TSHZ2: variants seen among roughly 807,000 people sequenced by gnomAD.
The protein encoded by TSHZ2 is teashirt homolog 2.
TSHZ2 carries 21 observed loss-of-function variants against 74.4 expected under a neutral mutation model. That is an observed-to-expected ratio of 0.28 (90% CI 0.20 to 0.41). TSHZ2 has a LOEUF of 0.41. Among genes scored for constraint, TSHZ2 ranks in the 10% least tolerant of loss-of-function variants. The pLI, the probability that TSHZ2 is intolerant of heterozygous loss-of-function variation, is 1.00. For synonymous variants in TSHZ2, 540 were observed against 515.3 expected, an observed-to-expected ratio of 1.05 and a Z score of -0.65; for missense variants, 1,244 against 1,293.5, an observed-to-expected ratio of 0.96 and a Z score of 0.59.
At chr20:53,269,599 G>A (rs1990790452) in intron 2 of TSHZ2, among the ~76,000 whole-genome samples, 1 of 152,194 alleles carries the variant, frequency 6.6e-6, no homozygotes, top group Non-Finnish European at 1.5e-5. Context: ...GGAGGAGGAG[G>A]AGGAGGATCT....
intron 1 of TSHZ2, among the ~76,000 whole-genome samples, chr20:53,120,087 A>T (rs1199718859): frequency 1.3e-5 from 2 of 152,320 alleles, no homozygotes; most frequent in East Asian, 3.9e-4. Context: ...CATCTAGATA[A>T]TTGGAGTTTG....
At chr20:53,294,315 A>C (rs1600794865) in intron 2 of TSHZ2, among the ~76,000 whole-genome samples, 1 of 152,210 alleles carries the variant, frequency 6.6e-6, no homozygotes, top group African/African-American at 2.4e-5. Context: ...TTGATTTACT[A>C]GTTGAGATTC....
intron 1 of TSHZ2, among the ~76,000 whole-genome samples, chr20:53,221,062 G>T (rs183053119): frequency 6.6e-6 from 1 of 152,280 alleles, no homozygotes; most frequent in East Asian, 1.9e-4. Context: ...TCATAGGGGT[G>T]GTTTCCCCCA....
At chr20:53,068,978 A>G (rs62206542) in intron 1 of TSHZ2, among the ~76,000 whole-genome samples, 10,952 of 152,174 alleles carry the variant, frequency 0.072, 432 homozygotes, top group Non-Finnish European at 0.082. Flanking sequence ...AAGGTAGAAT[A>G]GAAGAGAAAG....
intron 2 of TSHZ2, among the ~76,000 whole-genome samples, chr20:53,259,504 CAGAG>C (rs1262044358): frequency 6.6e-6 from 1 of 152,138 alleles, no homozygotes; most frequent in Non-Finnish European, 1.5e-5. Flanking sequence ...AGAAATTAAA[CAGAG>C]AGCAAATCAA....
At chr20:53,207,326 CA>C (rs1989192658) in intron 1 of TSHZ2, among the ~76,000 whole-genome samples, 1 of 151,900 alleles carries the variant, frequency 6.6e-6, no homozygotes, top group South Asian at 2.1e-4. Context: ...TTGTTTTTTT[CA>C]GGGGTGGGGG....
In TSHZ2 at chr20:53,253,785, C is replaced by T. The variant is rs1369000132; in HGVS notation, c.327C>T (p.His109=). The change falls in exon 2 of 3, where the codon CAC becomes CAT. Residue 109 remains histidine (H), a synonymous_variant. Transcript: ENST00000371497. The part of the protein sequence containing the change: ...CGRDASDKKA[H]THVRLPNEAH... ...GAGATGCCTCAGACAAGAAAGCACA[C>T]ACTCACGTCAGGCTTCCAAACGAAG... The T allele has an allele frequency of 1.9e-6, 3 of 1,614,226 alleles. No homozygotes were observed. Among genetic ancestry groups the T allele is most frequent in the Non-Finnish European group, 2.5e-6 (3 of 1,180,034 alleles).
intron 1 of TSHZ2, among the ~76,000 whole-genome samples, chr20:53,022,870 G>A (rs1007825068): frequency 2.0e-5 from 3 of 152,228 alleles, no homozygotes; most frequent in East Asian, 1.9e-4. Flanking sequence ...CTCTGACTAC[G>A]TCTTTGATAT....
intron 1 of TSHZ2, among the ~76,000 whole-genome samples, chr20:53,175,288 C>T (rs1013896446): frequency 2.6e-5 from 4 of 151,790 alleles, no homozygotes; most frequent in Admixed American, 2.6e-4. Context: ...TTACAGTCGC[C>T]CACCACCACG....
intron 2 of TSHZ2, among the ~76,000 whole-genome samples, chr20:53,325,388 G>A (rs1255537938): frequency 6.6e-6 from 1 of 152,224 alleles, no homozygotes; most frequent in Non-Finnish European, 1.5e-5. Context: ...TGGAGAGGCA[G>A]TGATGGGTTG....
intron 1 of TSHZ2, among the ~76,000 whole-genome samples, chr20:53,156,340 G>A (rs1321445709): frequency 6.6e-6 from 1 of 152,182 alleles, no homozygotes. Flanking sequence ...GTGTCTGCCT[G>A]GAAGGATGGC....
At chr20:53,487,065 G>A (rs1400081826) in intron 2 of TSHZ2, 79 bp from the exon 3 acceptor site, 1 of 152,640 alleles carries the variant, frequency 6.6e-6, no homozygotes, top group Non-Finnish European at 1.5e-5. Context: ...TGGGCAAGGT[G>A]ATCACCCTGG....
chr20:53,160,941 T>C (rs1366751727), intron 1 of TSHZ2, among the ~76,000 whole-genome samples: 2 of 151,764 alleles, frequency 1.3e-5, no homozygotes, highest in African/African-American at 4.9e-5. Context: ...TTTCCACTAA[T>C]CTATTAATAA....
intron 1 of TSHZ2, among the ~76,000 whole-genome samples, chr20:53,114,437 A>G (rs1426017872): frequency 6.7e-6 from 1 of 149,208 alleles, no homozygotes; most frequent in Non-Finnish European, 1.5e-5. Context: ...TACCCACCTC[A>G]CGATATGTCA....
intron 2 of TSHZ2, among the ~76,000 whole-genome samples, chr20:53,458,063 G>A (rs534917883): frequency 1.3e-5 from 2 of 152,058 alleles, no homozygotes; most frequent in Non-Finnish European, 2.9e-5. Context: ...TCAGAATGAT[G>A]CTGGCCTCAT....
intron 1 of TSHZ2, among the ~76,000 whole-genome samples, chr20:53,112,496 G>A (rs1331388275): frequency 6.6e-6 from 1 of 152,054 alleles, no homozygotes. Flanking sequence ...ATTCAGATTA[G>A]GGATAATCCT....
intron 1 of TSHZ2, among the ~76,000 whole-genome samples, chr20:53,102,354 C>A (rs1986240021): frequency 6.6e-6 from 1 of 150,710 alleles, no homozygotes. Context: ...ACAATTAACT[C>A]TATTTTTCAC....
intron 2 of TSHZ2, among the ~76,000 whole-genome samples, chr20:53,349,837 C>T (rs1980580688): frequency 6.6e-6 from 1 of 152,102 alleles, no homozygotes; most frequent in Admixed American, 6.5e-5. Context: ...TAAAAGAAAA[C>T]AAATTCATTA....
chr20:53,048,665 A>T (rs1984318799), intron 1 of TSHZ2, among the ~76,000 whole-genome samples: 1 of 152,238 alleles, frequency 6.6e-6, no homozygotes, highest in Non-Finnish European at 1.5e-5. Context: ...GCAGCTCATC[A>T]CCATCAGTCT....
Sources: allele counts gnomAD v4.1 joint callset (sites outside exome capture counted in the v4.1 genomes callset), GRCh38; gene constraint gnomAD v4.1.1; transcripts MANE v1.5; gene names NCBI Gene and HGNC (gene_info 2026-07-23, HGNC 2026-07-21).